The following IPO11 variants were observed in gnomAD, a reference collection of about 807,000 sequenced individuals.
The protein encoded by IPO11 is importin 11.
A neutral mutation model predicts 143.2 loss-of-function variants in IPO11; 66 were observed. The ratio of observed to expected loss-of-function variants is 0.46; its 90% CI spans 0.38 to 0.57. The LOEUF is 0.57. IPO11 is among the 20% of genes least tolerant of loss of function. The pLI, the probability that IPO11 is intolerant of heterozygous loss-of-function variation, is 0.00. For synonymous variants in IPO11, 385 were observed against 377.8 expected (o/e 1.02, Z -0.22); for missense variants, 1,026 against 1,141.0 (o/e 0.90, Z 1.45).
chr5:62,470,626 G>GT (rs575423214), intron 7 of IPO11, among the ~76,000 whole-genome samples: 5 of 151,702 alleles, frequency 3.3e-5, no homozygotes, highest in Non-Finnish European at 7.4e-5. Context: ...ATTGTAAATA[G>GT]TTTTTTATAT....
intron 3 of IPO11, 183 bp from the exon 4 acceptor site, chr5:62,449,742 CTT>C (rs549412759): frequency 8.9e-4 from 373 of 421,350 alleles, no homozygotes; most frequent in African/African-American, 6.9e-3. Context: ...GTTTAGAAAA[CTT>C]TTTATTGTTA....
At chr5:62,579,508 T>G (rs909496986) in intron 27 of IPO11, 1 of 1,550,916 alleles carries the variant, frequency 6.4e-7, no homozygotes, top group Non-Finnish European at 8.7e-7. Flanking sequence ...TCTTTTATTA[T>G]TACTCCACAA....
At chr5:62,607,701 G>C (rs182012234) in intron 29 of IPO11, among the ~76,000 whole-genome samples, 1 of 152,118 alleles carries the variant, frequency 6.6e-6, no homozygotes, top group East Asian at 1.9e-4. Flanking sequence ...TTAGTATTCA[G>C]CTTACATGCA....
chr5:62,450,060 T>A (rs1210889268), intron 4 of IPO11, 61 bp downstream of exon 4: 5 of 1,045,816 alleles, frequency 4.8e-6, no homozygotes, highest in Admixed American at 2.4e-5. Context: ...AAACTAATTT[T>A]ATATTCTGGC....
chr5:62,485,984 CTT>C (rs746289007), intron 12 of IPO11, among the ~76,000 whole-genome samples: 14 of 130,202 alleles, frequency 1.1e-4, no homozygotes, highest in Non-Finnish European at 2.0e-4. Flanking sequence ...TTTTCTTTTT[CTT>C]TTTTTTTTTT....
At chr5:62,614,858 TG>T (rs201100023) in intron 29 of IPO11, among the ~76,000 whole-genome samples, 3 of 151,964 alleles carry the variant, frequency 2.0e-5, no homozygotes, top group African/African-American at 7.3e-5. Context: ...ATGGTGAATG[TG>T]GGGGTTTTAT....
At chr5:62,462,508 G>T (rs1276453539) in intron 5 of IPO11, among the ~76,000 whole-genome samples, 1 of 149,608 alleles carries the variant, frequency 6.7e-6, no homozygotes, top group Non-Finnish European at 1.5e-5. Flanking sequence ...GAACAGTTTT[G>T]CCCCTTTGCT....
intron 26 of IPO11, among the ~76,000 whole-genome samples, chr5:62,553,363 T>TGTGTGTGA (rs971701273): frequency 5.3e-5 from 8 of 151,542 alleles, no homozygotes; most frequent in African/African-American, 1.9e-4. Context: ...TGTGTGTGTG[T>TGTGTGTGA]GATATTTTCT....
At chr5:62,548,934 G>T (rs1743303296) in intron 24 of IPO11, among the ~76,000 whole-genome samples, 1 of 152,020 alleles carries the variant, frequency 6.6e-6, no homozygotes, top group African/African-American at 2.4e-5. Flanking sequence ...TTAGATGGGA[G>T]TGAAATTATA....
In IPO11 at chr5:62,423,162, A is replaced by G. The variant is rs574682844; in HGVS notation, c.-7+10233A>G. On this transcript the variant is annotated intron_variant, in intron 1 of 29. Transcript: ENST00000325324. Reference sequence around the variant, plus strand: ...ATTTTTTTCAGCCATTCAGCACACTATTTACTCTTGCAGTGTTTTTTGTAG... The same window carrying G: ...ATTTTTTTCAGCCATTCAGCACACTGTTTACTCTTGCAGTGTTTTTTGTAG... Among the ~76,000 whole-genome samples, 233 of 152,186 alleles carry G rather than the reference A, an allele frequency of 1.5e-3. 1 individual carries two copies. Among genetic ancestry groups the G allele is most frequent in the South Asian group, 6.8e-3 (33 of 4,820 alleles).
At chr5:62,542,741 G>C (rs1260069805) in intron 24 of IPO11, among the ~76,000 whole-genome samples, 1 of 152,038 alleles carries the variant, frequency 6.6e-6, no homozygotes, top group East Asian at 1.9e-4. Context: ...CTAGAGGAAT[G>C]TAATTATAAA....
intron 24 of IPO11, among the ~76,000 whole-genome samples, chr5:62,546,406 C>G (rs1333071665): frequency 1.3e-5 from 2 of 152,086 alleles, no homozygotes; most frequent in African/African-American, 2.4e-5. Context: ...AATGAGAATA[C>G]TTGGACACAA....
intron 16 of IPO11, among the ~76,000 whole-genome samples, chr5:62,502,532 C>T (rs1741381209): frequency 1.3e-5 from 2 of 152,148 alleles, no homozygotes; most frequent in African/African-American, 4.8e-5. Flanking sequence ...CCCTTGTGAT[C>T]TGGCTTTCTG....
chr5:62,536,053 T>C (rs992441663), intron 22 of IPO11, among the ~76,000 whole-genome samples: 26 of 152,288 alleles, frequency 1.7e-4, no homozygotes, highest in African/African-American at 5.5e-4. Flanking sequence ...AAAAACGATA[T>C]CCTTTTCTGA....
At chr5:62,419,210 G>GT in intron 1 of IPO11, 1 of 1,432,066 alleles carries the variant, frequency 7.0e-7, no homozygotes, top group Non-Finnish European at 9.3e-7. Flanking sequence ...TGGTACATCT[G>GT]TACAGGGCAC....
intron 18 of IPO11, 47 bp from the exon 19 acceptor site, chr5:62,506,194 T>C: frequency 9.6e-7 from 1 of 1,042,860 alleles, no homozygotes; most frequent in East Asian, 2.4e-5. Context: ...TAGAGGTCTT[T>C]CATTTCTATT....
intron 27 of IPO11, among the ~76,000 whole-genome samples, chr5:62,565,704 G>T (rs894594043): frequency 2.0e-5 from 3 of 151,814 alleles, no homozygotes; most frequent in African/African-American, 7.3e-5. Context: ...GAACGTGTAG[G>T]TTTCAGCCCA....
At chr5:62,484,236 A>G in intron 11 of IPO11, 74 bp downstream of exon 11, 1 of 1,241,438 alleles carries the variant, frequency 8.1e-7, no homozygotes, top group South Asian at 1.8e-5. Context: ...TGATAGGTAT[A>G]ATATTGTATT....
chr5:62,553,364 GAT>G (rs1165217850), intron 26 of IPO11, among the ~76,000 whole-genome samples: 1 of 150,116 alleles, frequency 6.7e-6, no homozygotes, highest in Non-Finnish European at 1.5e-5. Context: ...GTGTGTGTGT[GAT>G]ATTTTCTGTA....
Sources: gnomAD v4.1 joint callset for allele counts (sites outside exome capture counted in the v4.1 genomes callset) on GRCh38, gnomAD v4.1.1 for gene constraint, MANE v1.5 for transcripts, NCBI Gene and HGNC (gene_info 2026-07-23, HGNC 2026-07-21) for gene names.